The following ZFHX3 variants were observed in gnomAD, a reference collection of about 807,000 sequenced individuals.
The protein encoded by ZFHX3 is zinc finger homeobox 3, also known as zinc finger homeobox protein 3.
In ZFHX3, 42 loss-of-function variants were observed where a neutral mutation model predicts 279.1. The ratio of observed to expected loss-of-function variants is 0.15; its 90% CI spans 0.12 to 0.19. ZFHX3 has a LOEUF of 0.19. Among genes scored for constraint, ZFHX3 ranks in the 10% least tolerant of loss-of-function variants. The pLI is 1.00. For missense variants in ZFHX3, 4,981 were observed against 4,754.0 expected (o/e 1.05, Z -1.40); for synonymous variants, 2,293 against 1,957.8 (o/e 1.17, Z -4.52).
At chr16:73,083,579 G>C (rs1331049213) in intron 8 of ZFHX3, among the ~76,000 whole-genome samples, 2 of 152,114 alleles carry the variant, frequency 1.3e-5, no homozygotes, top group Non-Finnish European at 2.9e-5. Context: ...GCCCAGGATA[G>C]AGTACAGTGG....
intron 5 of ZFHX3, among the ~76,000 whole-genome samples, chr16:73,199,673 C>T (rs1456754797): frequency 1.3e-5 from 2 of 152,166 alleles, no homozygotes; most frequent in Non-Finnish European, 2.9e-5. Context: ...TAGAGAGAGA[C>T]ATTCTTTTCT....
intron 2 of ZFHX3, among the ~76,000 whole-genome samples, chr16:73,580,731 T>A (rs1293024012): frequency 1.3e-5 from 2 of 151,770 alleles, no homozygotes; most frequent in African/African-American, 4.9e-5. Flanking sequence ...TGTCAAGCAC[T>A]CCCCTGCCAT....
At chr16:73,545,414 C>T (rs2020092260) in intron 2 of ZFHX3, among the ~76,000 whole-genome samples, 2 of 152,170 alleles carry the variant, frequency 1.3e-5, no homozygotes, top group African/African-American at 4.8e-5. Flanking sequence ...GCTGGGCCGC[C>T]TCCTGGCTTC....
At chr16:73,533,568 C>G (rs1165504316) in intron 2 of ZFHX3, among the ~76,000 whole-genome samples, 1 of 151,890 alleles carries the variant, frequency 6.6e-6, no homozygotes, top group African/African-American at 2.4e-5. Flanking sequence ...GATTTGTATG[C>G]CTAGCTCAGA....
At chr16:73,061,305 C>T (rs180703785), upstream of ZFHX3, 5 of 151,020 alleles carry the variant, frequency 3.3e-5, no homozygotes, top group Admixed American at 6.6e-5. Flanking sequence ...TCTGGGCTCT[C>T]GATAGCCCTG....
At chr16:72,986,940 G>T (rs1440174213) in intron 1 of ZFHX3, among the ~76,000 whole-genome samples, 3 of 152,130 alleles carry the variant, frequency 2.0e-5, no homozygotes. Context: ...GAGCCCAGGA[G>T]TTTGAGATCA....
At chr16:73,576,143 AT>A (rs573434789) in intron 2 of ZFHX3, among the ~76,000 whole-genome samples, 8 of 151,050 alleles carry the variant, frequency 5.3e-5, no homozygotes, top group South Asian at 2.1e-4. Context: ...TCATGGCACT[AT>A]TTTTTTTTAA....
chr16:72,843,296 G>A (rs1313041553), intron 4 of ZFHX3, among the ~76,000 whole-genome samples: 2 of 152,060 alleles, frequency 1.3e-5, no homozygotes, highest in Non-Finnish European at 2.9e-5. Context: ...AGATCATGAG[G>A]TCAGGAGATC....
chr16:72,964,030 G>C (rs1961710442), intron 1 of ZFHX3, among the ~76,000 whole-genome samples: 1 of 152,170 alleles, frequency 6.6e-6, no homozygotes, highest in Non-Finnish European at 1.5e-5. Flanking sequence ...TCCCATGCGG[G>C]ATCACTCAAG....
At chr16:73,333,539 T>A (rs930133602) in intron 3 of ZFHX3, among the ~76,000 whole-genome samples, 1 of 152,170 alleles carries the variant, frequency 6.6e-6, no homozygotes, top group Non-Finnish European at 1.5e-5. Flanking sequence ...TAGTGGTGTC[T>A]TGATTATAAT....
intron 5 of ZFHX3, among the ~76,000 whole-genome samples, chr16:72,824,958 C>T (rs368588271): frequency 2.6e-5 from 4 of 152,338 alleles, no homozygotes; most frequent in African/African-American, 9.6e-5. Context: ...GAACAAAGAA[C>T]CTTCCTGTAC....
chr16:73,809,983 G>A lies in ZFHX3; in HGVS notation c.-1608+81668C>T, dbSNP rs77846927. On this transcript the variant is annotated intron_variant, in intron 1 of 17. Coordinates refer to the ZFHX3 transcript ENST00000641206. ...AGCATTTTCTTGCACTCCACACATT[G>A]CGGTGTCTAACTCCTCAGCCTTTGC... 5.5e-3 allele frequency among the ~76,000 whole-genome samples: 833 copies of A among 152,242 alleles called. 12 individuals are homozygous for A. Among genetic ancestry groups the A allele is most frequent in the African/African-American group, 0.019 (784 of 41,558 alleles).
At chr16:73,186,302 G>C (rs991605102) in intron 5 of ZFHX3, among the ~76,000 whole-genome samples, 1 of 152,128 alleles carries the variant, frequency 6.6e-6, no homozygotes. Flanking sequence ...GTGCCAAAAA[G>C]ATTTGGGACT....
In ZFHX3 at chr16:73,773,589, A is replaced by G. The variant is rs530311865; in HGVS notation, c.-1607-93349T>C. Among the ~76,000 whole-genome samples the G allele has an allele frequency of 1.1e-3, 175 of 152,284 alleles. 3 individuals are homozygous for G. The highest frequency in any genetic ancestry group is 4.1e-3 in the African/African-American group (171 of 41,566). On this transcript the variant is annotated intron_variant, in intron 1 of 17. Coordinates refer to the ZFHX3 transcript ENST00000641206. ...TAATAATGTGTCCGTGGAAAGCCCG[A>G]ATGCAAGGAAAGGGACAGAGAGAGG...
At chr16:72,932,973 G>A (rs953883280) in intron 3 of ZFHX3, among the ~76,000 whole-genome samples, 1 of 152,158 alleles carries the variant, frequency 6.6e-6, no homozygotes, top group Admixed American at 6.6e-5. Flanking sequence ...TCAAACCCAG[G>A]CAGCCTGACA....
chr16:73,541,322 G>C (rs986859831), intron 2 of ZFHX3, among the ~76,000 whole-genome samples: 2 of 151,772 alleles, frequency 1.3e-5, no homozygotes, highest in African/African-American at 4.8e-5. Context: ...TCATCTCTAC[G>C]ACAAATTTAA....
At chr16:73,547,327 G>A (rs1327733338) in intron 2 of ZFHX3, among the ~76,000 whole-genome samples, 1 of 152,142 alleles carries the variant, frequency 6.6e-6, no homozygotes, top group African/African-American at 2.4e-5. Context: ...AAAAAAACCT[G>A]TACTATCAAA....
intron 2 of ZFHX3, among the ~76,000 whole-genome samples, chr16:73,611,031 T>A (rs6564369): frequency 0.93 from 140,986 of 152,318 alleles, 65,725 homozygotes; most frequent in East Asian, 0.99. Context: ...CTGAAACATC[T>A]ACTCAAGCTG....
chr16:73,435,897 C>T (rs1475984312), intron 3 of ZFHX3, among the ~76,000 whole-genome samples: 1 of 152,218 alleles, frequency 6.6e-6, no homozygotes, highest in Non-Finnish European at 1.5e-5. Context: ...CTGGTGTCTG[C>T]ACCAGAGCCC....
Sources: allele counts gnomAD v4.1 joint callset (sites outside exome capture counted in the v4.1 genomes callset), GRCh38; gene constraint gnomAD v4.1.1; transcripts MANE v1.5; gene names NCBI Gene and HGNC (gene_info 2026-07-23, HGNC 2026-07-21).